Variants in TMEM178A observed in about 807,000 individuals in gnomAD.
TMEM178A encodes transmembrane protein 178.
TMEM178A carries 12 observed loss-of-function variants against 29.1 expected under a neutral mutation model. That is an observed-to-expected ratio of 0.41 (90% CI 0.26 to 0.67). TMEM178A has a LOEUF of 0.67. TMEM178A is among the 30% of genes least tolerant of loss of function. The pLI is 0.29. For synonymous variants in TMEM178A, 210 were observed against 187.2 expected, an observed-to-expected ratio of 1.12 and a Z score of -0.99; for missense variants, 366 against 419.1, an observed-to-expected ratio of 0.87 and a Z score of 1.11.
chr2:39,687,290 G>A (rs1197323024), intron 1 of TMEM178A: 19 of 167,000 alleles, frequency 1.1e-4, no homozygotes, highest in Non-Finnish European at 1.5e-5. Context: ...TCAGGTAGGA[G>A]GAAGTATAAG....
chr2:39,716,883 G>T, intron 3 of TMEM178A, 127 bp from the exon 4 acceptor site: 1 of 1,169,344 alleles, frequency 8.6e-7, no homozygotes, highest in Non-Finnish European at 1.2e-6. Flanking sequence ...AAATAATTAT[G>T]GATCATTTGT....
At chr2:39,666,722 T>C (rs1670181097) in intron 1 of TMEM178A, among the ~76,000 whole-genome samples, 1 of 152,220 alleles carries the variant, frequency 6.6e-6, no homozygotes, top group Non-Finnish European at 1.5e-5. Context: ...GCCTGACATG[T>C]GTGTCTTTTC....
intron 1 of TMEM178A, among the ~76,000 whole-genome samples, chr2:39,687,743 C>T (rs2148074908): frequency 6.6e-6 from 1 of 152,310 alleles, no homozygotes; most frequent in East Asian, 1.9e-4. Flanking sequence ...TGGAAATGTA[C>T]AGATTGATAT....
At chr2:39,735,169 T>C in the TMEM178A span, among the ~76,000 whole-genome samples, 5 of 152,180 alleles carry the variant, frequency 3.3e-5, no homozygotes, top group African/African-American at 4.8e-5. Context: ...TCATCTAATA[T>C]ACCACCTCTA....
intron 1 of TMEM178A, among the ~76,000 whole-genome samples, chr2:39,675,481 C>T (rs926565103): frequency 2.0e-5 from 3 of 152,098 alleles, no homozygotes; most frequent in African/African-American, 7.2e-5. Context: ...CACTGAGAGG[C>T]GTGAAACAGA....
At chr2:39,713,288 A>G (rs964563989) in intron 3 of TMEM178A, among the ~76,000 whole-genome samples, 3 of 152,246 alleles carry the variant, frequency 2.0e-5, no homozygotes, top group Non-Finnish European at 2.9e-5. Context: ...ATTGAGTAAC[A>G]CTTAGAATAG....
chr2:39,684,805 A>T (rs1273755377), intron 1 of TMEM178A, among the ~76,000 whole-genome samples: 1 of 151,886 alleles, frequency 6.6e-6, no homozygotes, highest in African/African-American at 2.4e-5. Flanking sequence ...ACCTCCTGTC[A>T]GTTCCTATAA....
At chr2:39,674,329 C>T (rs1670524913) in intron 1 of TMEM178A, among the ~76,000 whole-genome samples, 1 of 152,214 alleles carries the variant, frequency 6.6e-6, no homozygotes, top group Non-Finnish European at 1.5e-5. Flanking sequence ...GAATACTACT[C>T]AGCCATGAAA....
chr2:39,688,755 T>C (rs1249603814), intron 1 of TMEM178A, among the ~76,000 whole-genome samples: 3 of 152,242 alleles, frequency 2.0e-5, no homozygotes, highest in Non-Finnish European at 4.4e-5. Flanking sequence ...TTGAAATTGA[T>C]TTCAATTATC....
Position 39,707,176 on chromosome 2 carries a change from C to T in TMEM178A, c.642C>T (p.Phe214=), listed in dbSNP as rs756644310. The T allele has an allele frequency of 2.5e-6, 4 of 1,612,228 alleles. No individual in the cohort carries two copies. Among genetic ancestry groups the T allele is most frequent in the Non-Finnish European group, 3.4e-6 (4 of 1,179,264 alleles). Residue 214 remains phenylalanine (F), a synonymous_variant, in exon 3 of 4, where the codon TTC becomes TTT. Transcript: ENST00000281961. ...CCCAGCACGTGGCTGGACTCCTGTT[C>T]CTCATGACAGGTAGGCTGCATGCCT... is the stretch of plus-strand genomic sequence containing the variant. ...SLTQHVAGLL[F]LMTGIFCTIS...
In TMEM178A at chr2:39,695,022, G is replaced by C. The variant is rs574799227; in HGVS notation, c.401-9059G>C. Among the ~76,000 whole-genome samples the C allele has an allele frequency of 5.3e-5, 8 of 152,266 alleles. No homozygotes were observed. The South Asian group carries it at 1.0e-3, about 20-fold the overall frequency. On this transcript the variant is annotated intron_variant, in intron 1 of 3. Transcript: ENST00000281961. ...TTTATTTATTTTAACAAGGTTAACTGTTTATACCCAATACAGGAGGTGATA... is the reference window on the plus strand; with the variant it reads ...TTTATTTATTTTAACAAGGTTAACTCTTTATACCCAATACAGGAGGTGATA...
intron 1 of TMEM178A, among the ~76,000 whole-genome samples, chr2:39,671,582 G>T (rs989234385): frequency 4.6e-5 from 7 of 152,154 alleles, no homozygotes; most frequent in African/African-American, 1.7e-4. Flanking sequence ...CTCAAGGCGA[G>T]TAGTGTCTGA....
intron 1 of TMEM178A, among the ~76,000 whole-genome samples, chr2:39,703,057 T>C (rs1288141681): frequency 6.6e-6 from 1 of 152,208 alleles, no homozygotes. Flanking sequence ...CACTATATAA[T>C]CTTTTTAAAA....
At chr2:39,697,617 C>T (rs1207120332) in intron 1 of TMEM178A, among the ~76,000 whole-genome samples, 2 of 152,198 alleles carry the variant, frequency 1.3e-5, no homozygotes, top group African/African-American at 4.8e-5. Flanking sequence ...ATCATTTTCC[C>T]TACCCTCTTG....
chr2:39,671,295 C>T (rs538356467), intron 1 of TMEM178A, among the ~76,000 whole-genome samples: 1 of 152,310 alleles, frequency 6.6e-6, no homozygotes, highest in Admixed American at 6.5e-5. Context: ...CTGCACAGGA[C>T]CCACCAAGTT....
the TMEM178A span, among the ~76,000 whole-genome samples, chr2:39,727,170 C>G: frequency 3.3e-5 from 5 of 152,188 alleles, no homozygotes; most frequent in Non-Finnish European, 7.4e-5. Context: ...GCCCGGACTT[C>G]TGGCTGGTAT....
intron 1 of TMEM178A, among the ~76,000 whole-genome samples, chr2:39,695,116 T>C (rs1403556627): frequency 6.6e-6 from 1 of 152,214 alleles, no homozygotes; most frequent in African/African-American, 2.4e-5. Context: ...GACCAGAACA[T>C]GGCTGCTACC....
chr2:39,666,931 G>C (rs1453095591), intron 1 of TMEM178A, among the ~76,000 whole-genome samples: 1 of 152,220 alleles, frequency 6.6e-6, no homozygotes, highest in African/African-American at 2.4e-5. Flanking sequence ...ATCCCAGCCT[G>C]GCAGGGCTGA....
intron 1 of TMEM178A, among the ~76,000 whole-genome samples, chr2:39,690,762 A>C (rs551762466): frequency 6.6e-6 from 1 of 152,332 alleles, no homozygotes; most frequent in East Asian, 1.9e-4. Flanking sequence ...ATATCTATGA[A>C]CTGCCTGATA....
Sources: allele counts gnomAD v4.1 joint callset (sites outside exome capture counted in the v4.1 genomes callset), GRCh38; gene constraint gnomAD v4.1.1; transcripts MANE v1.5; gene names NCBI Gene and HGNC (gene_info 2026-07-23, HGNC 2026-07-21).